MAD1L1: variants seen among roughly 807,000 people sequenced by gnomAD.
MAD1L1 encodes the protein mitotic spindle assembly checkpoint protein MAD1.
In MAD1L1, 95 loss-of-function variants were observed where a neutral mutation model predicts 96.9. The ratio of observed to expected loss-of-function variants is 0.98; its 90% CI spans 0.83 to 1.16. The LOEUF (loss-of-function observed/expected upper bound fraction) is 1.16. Ranked by LOEUF, MAD1L1 falls within the 50% of genes most tolerant of loss-of-function variation. The probability of loss-of-function intolerance (pLI) is 0.00; values close to 1 mark genes in which losing one functional copy is unlikely to be tolerated. For missense variants in MAD1L1, 1,007 were observed against 954.4 expected, an observed-to-expected ratio of 1.06 and a Z score of -0.73; for synonymous variants, 473 against 396.6, an observed-to-expected ratio of 1.19 and a Z score of -2.29.
chr7:2,106,219 C>A (rs1162233193), intron 11 of MAD1L1, among the ~76,000 whole-genome samples: 2 of 152,122 alleles, frequency 1.3e-5, no homozygotes, highest in Admixed American at 1.3e-4. Flanking sequence ...CGGCAGCACC[C>A]CTCCACTGCG....
In MAD1L1 at chr7:2,149,187, A is replaced by C; in HGVS notation, c.1038T>G (p.Leu346=). Residue 346 remains leucine, a synonymous_variant, in exon 11 of 19, where the codon CTT becomes CTG. Transcript: ENST00000265854. ...RFVVELQQRE[L]ALKDKNSAVT... ...CGGCGCTGTTCTTGTCCTTCAAGGCAAGCTCCCTCTGCTGCAGCTCAACCA... is the reference window on the plus strand; with the variant it reads ...CGGCGCTGTTCTTGTCCTTCAAGGCCAGCTCCCTCTGCTGCAGCTCAACCA... 1 of 1,614,080 alleles carries C rather than the reference A, an allele frequency of 6.2e-7. No individual in the cohort carries two copies. Among genetic ancestry groups the C allele is most frequent in the South Asian group, 1.1e-5 (1 of 91,064 alleles).
intron 18 of MAD1L1, among the ~76,000 whole-genome samples, chr7:1,882,558 C>T (rs1279682493): frequency 6.6e-6 from 1 of 152,186 alleles, no homozygotes; most frequent in African/African-American, 2.4e-5. Flanking sequence ...GTGGCCTTGT[C>T]AGTTAACTAC....
At chr7:1,836,471 G>A (rs1021035006) in intron 18 of MAD1L1, among the ~76,000 whole-genome samples, 4 of 152,142 alleles carry the variant, frequency 2.6e-5, no homozygotes, top group African/African-American at 7.2e-5. Context: ...CTAACCTTCT[G>A]GGAAAGCAGC....
intron 17 of MAD1L1, among the ~76,000 whole-genome samples, chr7:1,901,751 C>A (rs1583710291): frequency 6.6e-6 from 1 of 152,298 alleles, no homozygotes; most frequent in East Asian, 1.9e-4. Flanking sequence ...GTAGGGAGGC[C>A]TTGAGCCCAG....
intron 13 of MAD1L1, among the ~76,000 whole-genome samples, chr7:2,007,139 A>G (rs1782066728): frequency 6.6e-6 from 1 of 152,162 alleles, no homozygotes; most frequent in African/African-American, 2.4e-5. Flanking sequence ...AGGGACCTGA[A>G]CAGACGCCAC....
At position 2,142,166 on chromosome 7, in the gene MAD1L1, C is replaced by T. The variant is rs1032390228; in HGVS notation, c.1073+6986G>A. ...GGCTATCCTACAGACAGACAACTGA[C>T]TCACGAGAGAGACGGCTTTTCAAAG... On this transcript the variant is annotated intron_variant, in intron 11 of 18. Transcript: ENST00000265854. This position sits in a 1 kb window ranked among gnomAD's most constrained non-coding sequence, Gnocchi z 4.7. Among the ~76,000 whole-genome samples, 25 of 152,248 alleles carry T rather than the reference C, an allele frequency of 1.6e-4. No homozygotes were observed. Among genetic ancestry groups the T allele is most frequent in the African/African-American group, 6.0e-4 (25 of 41,458 alleles).
intron 12 of MAD1L1, among the ~76,000 whole-genome samples, chr7:2,024,534 C>T (rs544885350): frequency 6.6e-6 from 1 of 152,330 alleles, no homozygotes; most frequent in East Asian, 1.9e-4. Context: ...CATAGAAACT[C>T]CACAATGAGA....
At position 1,905,161 on chromosome 7, in the gene MAD1L1, T is replaced by C. The variant is rs1341206074; in HGVS notation, c.1808-6771A>G. 2.2e-5 allele frequency among the ~76,000 whole-genome samples: 2 copies of C among 92,412 alleles called. 1 individual carries two copies. Among genetic ancestry groups the C allele is most frequent in the African/African-American group, 7.6e-5 (2 of 26,260 alleles). The allele number at this position is 92,412 out of a possible 152,430, so 60.6% of individuals were successfully genotyped here. ...GCGGAATTCATGATTGATGAAGCAC[T>C]GTTCCAGGCAGTGAGGACGCAGTGG... On this transcript the variant is annotated intron_variant, in intron 17 of 18. Transcript: ENST00000265854.
At chr7:2,008,679 C>A (rs1429456523) in intron 13 of MAD1L1, among the ~76,000 whole-genome samples, 1 of 152,214 alleles carries the variant, frequency 6.6e-6, no homozygotes, top group Non-Finnish European at 1.5e-5. Flanking sequence ...CCACAGCCCA[C>A]CCCGGGCTGG....
At chr7:2,104,959 T>C (rs930522646) in intron 11 of MAD1L1, among the ~76,000 whole-genome samples, 1 of 152,134 alleles carries the variant, frequency 6.6e-6, no homozygotes, top group Admixed American at 6.5e-5. Flanking sequence ...ACCTCCTAAA[T>C]GTTAAAACAC....
At chr7:1,827,908 C>G (rs1782511391) in intron 18 of MAD1L1, among the ~76,000 whole-genome samples, 1 of 152,170 alleles carries the variant, frequency 6.6e-6, no homozygotes, top group Non-Finnish European at 1.5e-5. Flanking sequence ...CTTCTCACCT[C>G]CCACCCAGGC....
At chr7:2,102,106 G>A (rs1274344964) in intron 11 of MAD1L1, among the ~76,000 whole-genome samples, 1 of 152,002 alleles carries the variant, frequency 6.6e-6, no homozygotes, top group East Asian at 1.9e-4. Context: ...CCTGGCACCA[G>A]TCACAGGGCA....
intron 12 of MAD1L1, among the ~76,000 whole-genome samples, chr7:2,027,937 T>C (rs566143737): frequency 2.6e-5 from 4 of 152,266 alleles, no homozygotes; most frequent in East Asian, 1.9e-4. Flanking sequence ...ATTATGAACA[T>C]AGAAAAGTCA....
rs757656094 is a variant in MAD1L1, at chr7:1,898,274, C to T, written c.1924G>A (p.Asp642Asn). The change falls in exon 18 of 19, where the codon GAC becomes AAC. Residue 642 changes from aspartate to asparagine, a missense_variant. By Grantham distance (23) the Asp-to-Asn change is conservative. Transcript: ENST00000265854. ...ACYTLTGYQI[D>N]ITTENQYRLT... ...CGGTACTGGTTCTCCGTGGTGATGT[C>T]GATCTGGTAGCCGGTGAGCGTGTAG... The T allele has an allele frequency of 5.6e-6, 9 of 1,614,022 alleles. No individual in the cohort carries two copies. The highest frequency in any genetic ancestry group is 2.7e-5 in the African/African-American group (2 of 74,946).
rs970736129 is a variant in MAD1L1, at chr7:2,114,770, C to T, written c.1073+34382G>A. 6.6e-6 allele frequency among the ~76,000 whole-genome samples: 1 copy of T among 152,216 alleles called. No homozygotes were observed. The highest frequency in any genetic ancestry group is 2.4e-5 in the African/African-American group (1 of 41,448). ...GCACGATGGCAGAGTTCAGCGTCTT[C>T]GACAGAGACCACCTGCCCGGCAAAC... On this transcript the variant is annotated intron_variant, in intron 11 of 18. Transcript: ENST00000265854. The surrounding 1 kb of genome is among the most constrained non-coding windows in gnomAD (Gnocchi z 4.2).
intron 18 of MAD1L1, among the ~76,000 whole-genome samples, chr7:1,821,355 A>G (rs1258050955): frequency 2.0e-5 from 3 of 152,152 alleles, no homozygotes; most frequent in African/African-American, 4.8e-5. Flanking sequence ...GTTTCACTAG[A>G]AAGTTTTACC....
chr7:1,831,437 G>C (rs528872951), intron 18 of MAD1L1, among the ~76,000 whole-genome samples: 7 of 152,000 alleles, frequency 4.6e-5, no homozygotes, highest in African/African-American at 1.4e-4. Flanking sequence ...CCTGAGACAC[G>C]ACCGTCACAA....
In MAD1L1 at chr7:1,830,247, AT is replaced by A. The variant is rs530407268; in HGVS notation, c.1999-14020del. Among the ~76,000 whole-genome samples, 105 of 152,304 alleles carry A rather than the reference AT, an allele frequency of 6.9e-4. 1 individual carries two copies. The highest frequency in any genetic ancestry group is 5.6e-3 in the Admixed American group (86 of 15,298). ...CCCTGTTTCTACTAAAAATACAAAAATTGGCCACGTGCAGTGGCACATCCCT... is the reference window on the plus strand; with the variant it reads ...CCCTGTTTCTACTAAAAATACAAAAATGGCCACGTGCAGTGGCACATCCCT... On this transcript the variant is annotated intron_variant, in intron 18 of 18. Coordinates refer to ENST00000265854, the MANE Select transcript of MAD1L1 (RefSeq NM_001013836.2).
intron 10 of MAD1L1, among the ~76,000 whole-genome samples, chr7:2,183,724 G>A (rs1054527914): frequency 6.6e-6 from 1 of 152,008 alleles, no homozygotes; most frequent in African/African-American, 2.4e-5. Flanking sequence ...GACACAGGAA[G>A]GGGAACATCA....
Sources: allele counts gnomAD v4.1 joint callset (sites outside exome capture counted in the v4.1 genomes callset), GRCh38; gene constraint gnomAD v4.1.1; non-coding constraint Gnocchi (gnomAD v3.1); transcripts MANE v1.5; gene names NCBI Gene and HGNC (gene_info 2026-07-23, HGNC 2026-07-21).